BMP8B: variants seen among roughly 807,000 people sequenced by gnomAD.
The protein encoded by BMP8B is bone morphogenetic protein 8 (osteogenic protein 2).
BMP8B carries 17 observed loss-of-function variants against 30.3 expected under a neutral mutation model. The observed-to-expected ratio is 0.56, with a 90% CI of 0.38 to 0.84. The LOEUF is 0.84. Ranked by LOEUF, BMP8B falls within the 40% of genes least tolerant of loss-of-function variation. BMP8B has a pLI of 0.00. For synonymous variants in BMP8B, 131 were observed against 214.7 expected, an observed-to-expected ratio of 0.61 and a Z score of 3.41; for missense variants, 253 against 494.6, an observed-to-expected ratio of 0.51 and a Z score of 4.63.
In BMP8B at chr1:39,760,567, A is replaced by C; in HGVS notation, c.1061T>G (p.Val354Gly). The C allele has an allele frequency of 6.2e-7, 1 of 1,613,474 alleles. No homozygotes were observed. Among genetic ancestry groups the C allele is most frequent in the South Asian group, 1.1e-5 (1 of 91,052 alleles). The change falls in exon 7 of 7, where the codon GTG becomes GGG. Residue 354 changes from valine to glycine, a missense_variant and splice_region_variant. Coordinates refer to ENST00000372827, the MANE Select transcript of BMP8B (RefSeq NM_001720.5). ...ATNHAILQSL[V>G]HLMMPDAVPK... is the part of the protein sequence containing the mutation. ...GACTGCGTCTGGCATCATCAGGTGC[A>C]CCTGGCCAGGAAGAGGGCACAGGCA...
chr1:39,760,949 C>T (rs1421872276), intron 6 of BMP8B, among the ~76,000 whole-genome samples: 1 of 152,104 alleles, frequency 6.6e-6, no homozygotes, highest in Non-Finnish European at 1.5e-5. Flanking sequence ...CCACTTTCTT[C>T]TTTTGGCCCT....
At position 39,760,407 on chromosome 1, in the gene BMP8B, G is replaced by T; in HGVS notation, c.*12C>A. 1 of 1,613,380 alleles carries T rather than the reference G, an allele frequency of 6.2e-7. No homozygotes were observed. Among genetic ancestry groups the T allele is most frequent in the Non-Finnish European group, 8.5e-7 (1 of 1,179,984 alleles). On this transcript the variant is annotated 3_prime_UTR_variant, in exon 7 of 7. Transcript: ENST00000372827. ...TGAGAAGGGTGGCTGCAGCTGGGCC[G>T]GGCGGGTGGACTCAGTGGCAGCCGC...
intron 3 of BMP8B, 87 bp from the exon 4 acceptor site, chr1:39,764,904 G>A: frequency 6.3e-7 from 1 of 1,592,430 alleles, no homozygotes; most frequent in South Asian, 1.1e-5. Flanking sequence ...GCCTGGGCAG[G>A]TCCAGGAGCG....
At chr1:39,782,000 T>C (rs1326955367) in intron 1 of BMP8B, among the ~76,000 whole-genome samples, 3 of 151,742 alleles carry the variant, frequency 2.0e-5, no homozygotes, top group South Asian at 2.1e-4. Context: ...CTACTAAAAA[T>C]ACAAAATTAG....
rs1569779135 is a variant in BMP8B at position 39,762,719 on chromosome 1, G to A, written c.1059+373C>T. On this transcript the variant is annotated intron_variant, in intron 6 of 6. Transcript: ENST00000372827. ...ATCACGGGCGGTCAGACTTGCCAGCGTACTCGGCGGCCCGTGTGCTAAGAT... is the reference window on the plus strand; with the variant it reads ...ATCACGGGCGGTCAGACTTGCCAGCATACTCGGCGGCCCGTGTGCTAAGAT... The A allele has an allele frequency of 7.6e-6, 11 of 1,444,754 alleles. 1 individual carries two copies. In the South Asian group the frequency reaches 8.7e-5, roughly 11 times the overall value. 89.5% of individuals were successfully genotyped at this position (1,444,754 alleles called of 1,614,324 possible).
In BMP8B at chr1:39,771,259, C is replaced by A. The variant is rs755217691; in HGVS notation, c.673+3049G>T. On this transcript the variant is annotated intron_variant, in intron 3 of 6. Transcript: ENST00000372827. Reference sequence around the variant, plus strand: ...CCAGGAGCCGCAGCGCCGCCATAGTCGGCCCGGGTCGGAGGCCAGGACAGG... The same window carrying A: ...CCAGGAGCCGCAGCGCCGCCATAGTAGGCCCGGGTCGGAGGCCAGGACAGG... 10 of 1,512,554 alleles carry A rather than the reference C, an allele frequency of 6.6e-6. 1 individual carries two copies. The South Asian group carries it at 1.0e-4, about 16-fold the overall frequency. The allele number at this position is 1,512,554 out of a possible 1,614,324, so 93.7% of individuals were successfully genotyped here.
In BMP8B at chr1:39,763,207, G is replaced by A; in HGVS notation, c.949-5C>T. ...TTGGGGAGCGATGACCCAGTCCTGG[G>A]GGGCAAGGGAGAAGGTGAGTCCCAT... On this transcript the variant is annotated splice_region_variant and splice_polypyrimidine_tract_variant and intron_variant, in intron 5 of 6. Transcript: ENST00000372827. The A allele has an allele frequency of 6.2e-7, 1 of 1,607,928 alleles. No individual in the cohort carries two copies. Among genetic ancestry groups the A allele is most frequent in the Non-Finnish European group, 8.5e-7 (1 of 1,176,300 alleles).
chr1:39,776,343 CTG>C (rs1193069629), intron 1 of BMP8B, among the ~76,000 whole-genome samples: 1 of 152,234 alleles, frequency 6.6e-6, no homozygotes. Context: ...CTCTAGAAAT[CTG>C]TGTTTCCAGA....
intron 1 of BMP8B, among the ~76,000 whole-genome samples, chr1:39,778,292 C>T (rs1650372182): frequency 6.6e-6 from 1 of 151,846 alleles, no homozygotes; most frequent in South Asian, 2.1e-4. Flanking sequence ...GACCTGCCTC[C>T]TCTCCCGGCC....
chr1:39,786,047 C>T (rs1292748121), intron 1 of BMP8B, among the ~76,000 whole-genome samples: 1 of 152,144 alleles, frequency 6.6e-6, no homozygotes, highest in African/African-American at 2.4e-5. Flanking sequence ...ATTTGAAATC[C>T]ACAGCCGTGG....
intron 1 of BMP8B, among the ~76,000 whole-genome samples, chr1:39,784,005 C>T (rs1391125999): frequency 1.3e-5 from 2 of 152,218 alleles, no homozygotes; most frequent in Non-Finnish European, 2.9e-5. Context: ...CTGCATTTAA[C>T]GGTGGGCCAG....
chr1:39,788,600 CGGCGG>C lies in BMP8B; in HGVS notation c.-120_-116del, dbSNP rs1318451615. The C allele has an allele frequency of 1.2e-4, 105 of 842,130 alleles. No homozygotes were observed. The highest frequency in any genetic ancestry group is 6.1e-4 in the Middle Eastern group (1 of 1,638). 52.2% of individuals were successfully genotyped at this position (842,130 alleles called of 1,614,324 possible). A position where few individuals can be genotyped will look rare whatever the true frequency, so the allele number is the denominator to read the frequency against. On this transcript the variant is annotated 5_prime_UTR_variant, in exon 1 of 7. Coordinates refer to ENST00000372827, the MANE Select transcript of BMP8B (RefSeq NM_001720.5). The surrounding 1 kb of genome is among the most constrained non-coding windows in gnomAD (Gnocchi z 5.8). The stretch of plus-strand genomic sequence containing the variant: ...GAGGCTGGGCTCGGCGGGCGGCGGG[CGGCGG>C]GGCGGGGCGGGACGGGCGGCGACCG...
chr1:39,780,269 G>T (rs1650539203), intron 1 of BMP8B, among the ~76,000 whole-genome samples: 1 of 152,172 alleles, frequency 6.6e-6, no homozygotes, highest in South Asian at 2.1e-4. Context: ...CACTGTGGGG[G>T]ACATTATTCA....
In BMP8B at chr1:39,765,928, G is replaced by A. The variant is rs551835567; in HGVS notation, c.674-1111C>T. ...AGCTGGGCATGGTGGTGAACTTCCC[G>A]GGAAGCTGAGGTGGGAGGACTGCTT... On this transcript the variant is annotated intron_variant, in intron 3 of 6. Coordinates refer to ENST00000372827, the MANE Select transcript of BMP8B (RefSeq NM_001720.5). Among the ~76,000 whole-genome samples, 145 of 141,352 alleles carry A rather than the reference G, an allele frequency of 1.0e-3. 2 individuals carry two copies. Among genetic ancestry groups the A allele is most frequent in the African/African-American group, 3.7e-3 (137 of 36,830 alleles). 92.7% of individuals were successfully genotyped at this position (141,352 alleles called of 152,430 possible).
intron 6 of BMP8B, 144 bp from the exon 7 acceptor site, chr1:39,760,712 C>T: frequency 8.5e-7 from 1 of 1,180,134 alleles, no homozygotes; most frequent in Non-Finnish European, 1.2e-6. Flanking sequence ...TAACTATTAA[C>T]AGGAATAAGA....
intron 1 of BMP8B, among the ~76,000 whole-genome samples, chr1:39,787,120 C>T (rs1049293417): frequency 6.6e-6 from 1 of 152,248 alleles, no homozygotes; most frequent in African/African-American, 2.4e-5. Context: ...GGCGCTGCCT[C>T]TCTGAGCCTC....
chr1:39,758,104 G>A lies in BMP8B; in HGVS notation c.*2315C>T, dbSNP rs770089765. 4 of 152,192 alleles carry A rather than the reference G, an allele frequency of 2.6e-5. No individual in the cohort carries two copies. The highest frequency in any genetic ancestry group is 5.9e-5 in the Non-Finnish European group (4 of 68,030). 9.4% of individuals were successfully genotyped at this position (152,192 alleles called of 1,614,324 possible). On this transcript the variant is annotated 3_prime_UTR_variant, in exon 7 of 7. Transcript: ENST00000372827. ...GCCAGATCATTGGCTGGGCACTAAA[G>A]ATACAGGTGGAGTAAAAAATTAATT... is the stretch of plus-strand genomic sequence containing the variant.
chr1:39,762,017 T>C (rs149644395), intron 6 of BMP8B, among the ~76,000 whole-genome samples: 16 of 152,324 alleles, frequency 1.1e-4, no homozygotes, highest in Non-Finnish European at 7.4e-5. Flanking sequence ...CTCCCACACA[T>C]GCAGCCATGA....
rs201906035 is a variant in BMP8B at position 39,785,807 on chromosome 1, G to GC, written c.334+2344dup. 9.0e-3 allele frequency among the ~76,000 whole-genome samples: 1,371 copies of GC among 152,142 alleles called. 21 individuals are homozygous for GC. Among genetic ancestry groups the GC allele is most frequent in the African/African-American group, 0.032 (1,312 of 41,472 alleles). On this transcript the variant is annotated intron_variant, in intron 1 of 6. Coordinates refer to ENST00000372827, the MANE Select transcript of BMP8B (RefSeq NM_001720.5). ...GCATCCTGGTATGTGTCTAATCCAT[G>GC]CCCCCCCACCGCCCCACCCAGCCTC...
Sources: allele counts gnomAD v4.1 joint callset (sites outside exome capture counted in the v4.1 genomes callset), GRCh38; gene constraint gnomAD v4.1.1; non-coding constraint Gnocchi (gnomAD v3.1); transcripts MANE v1.5; gene names NCBI Gene and HGNC (gene_info 2026-07-23, HGNC 2026-07-21).